The following COL28A1 variants were observed in gnomAD, a reference collection of about 807,000 sequenced individuals.
COL28A1 encodes the protein collagen type XXVIII alpha 1 chain.
In COL28A1, 161 loss-of-function variants were observed where a neutral mutation model predicts 150.2. The ratio of observed to expected loss-of-function variants is 1.07; its 90% CI spans 0.94 to 1.22. COL28A1 has a LOEUF of 1.22. COL28A1 is among the 50% of genes most tolerant of loss of function. The probability of loss-of-function intolerance (pLI) is 0.00; values close to 1 mark genes in which losing one functional copy is unlikely to be tolerated. For missense variants in COL28A1, 1,617 were observed against 1,388.3 expected (o/e 1.16, Z -2.62); for synonymous variants, 552 against 469.7 (o/e 1.18, Z -2.26).
chr7:7,452,539 G>C, intron 17 of COL28A1, 152 bp from the exon 18 acceptor site: 1 of 1,221,476 alleles, frequency 8.2e-7, no homozygotes, highest in Non-Finnish European at 1.1e-6. Context: ...GGATGGATTT[G>C]CACCAGATTT....
chr7:7,472,202 C>T (rs973083859), intron 15 of COL28A1, among the ~76,000 whole-genome samples: 7 of 152,192 alleles, frequency 4.6e-5, no homozygotes, highest in African/African-American at 1.4e-4. Context: ...AAATAAAGAA[C>T]ATCCAAATCA....
rs1781380299 is a variant in COL28A1, at chr7:7,373,899, C to T, written c.2360-353G>A. 6.6e-6 allele frequency among the ~76,000 whole-genome samples: 1 copy of T among 151,242 alleles called. No individual in the cohort carries two copies. The highest frequency in any genetic ancestry group is 1.5e-5 in the Non-Finnish European group (1 of 67,830). Reference sequence around the variant, plus strand: ...TATTTTTAGTAGAGACAGGGTTTCACCGTGTTAGCCAAGATGGTCTCGATC... The same window carrying T: ...TATTTTTAGTAGAGACAGGGTTTCATCGTGTTAGCCAAGATGGTCTCGATC... On this transcript the variant is annotated intron_variant, in intron 31 of 34. Transcript: ENST00000399429. This position sits in a 1 kb window ranked among gnomAD's most constrained non-coding sequence, Gnocchi z 4.1.
chr7:7,408,811 T>A (rs1240669855), intron 27 of COL28A1, among the ~76,000 whole-genome samples: 1 of 152,172 alleles, frequency 6.6e-6, no homozygotes, highest in Non-Finnish European at 1.5e-5. Flanking sequence ...CCTCACTTTA[T>A]ATACCTCACA....
chr7:7,480,357 C>G (rs776742056), intron 13 of COL28A1, among the ~76,000 whole-genome samples: 49 of 152,166 alleles, frequency 3.2e-4, no homozygotes, highest in Non-Finnish European at 5.3e-4. Flanking sequence ...TAACAGAAAC[C>G]TAGCTTTTAA....
intron 16 of COL28A1, 27 bp downstream of exon 16, chr7:7,456,017 A>C (rs764682869): frequency 6.2e-7 from 1 of 1,613,432 alleles, no homozygotes; most frequent in Admixed American, 1.7e-5. Context: ...TTCTGCACTG[A>C]AGGGAAAGGA....
chr7:7,451,457 C>G (rs1305703293), intron 18 of COL28A1, among the ~76,000 whole-genome samples: 2 of 152,132 alleles, frequency 1.3e-5, no homozygotes, highest in African/African-American at 4.8e-5. Context: ...ATCTCTCGAC[C>G]TTGTGATCCA....
chr7:7,498,542 G>A (rs1437188663), intron 11 of COL28A1, among the ~76,000 whole-genome samples: 1 of 152,092 alleles, frequency 6.6e-6, no homozygotes, highest in African/African-American at 2.4e-5. Flanking sequence ...TATAGATACT[G>A]GTGATGGTTA....
chr7:7,445,492 T>C (rs141983459), intron 18 of COL28A1, among the ~76,000 whole-genome samples: 9 of 152,298 alleles, frequency 5.9e-5, no homozygotes, highest in African/African-American at 2.2e-4. Context: ...AGGCACTCAG[T>C]TCCTAGTACT....
At chr7:7,529,088 G>C (rs1027877494) in intron 3 of COL28A1, among the ~76,000 whole-genome samples, 1 of 151,906 alleles carries the variant, frequency 6.6e-6, no homozygotes, top group Non-Finnish European at 1.5e-5. Flanking sequence ...GATCACCTGA[G>C]GTCAGGAGTT....
the COL28A1 span, among the ~76,000 whole-genome samples, chr7:7,340,330 T>C: frequency 6.6e-6 from 1 of 152,168 alleles, no homozygotes; most frequent in South Asian, 2.1e-4. Flanking sequence ...GTGAAGTCAA[T>C]TGTGCTAGAG....
Position 7,373,581 on chromosome 7 carries a change from GA to G in COL28A1, c.2360-36del. 1 of 1,566,110 alleles carries G rather than the reference GA, an allele frequency of 6.4e-7. No individual in the cohort carries two copies. Among genetic ancestry groups the G allele is most frequent in the Non-Finnish European group, 8.7e-7 (1 of 1,151,218 alleles). On this transcript the variant is annotated intron_variant, in intron 31 of 34. Transcript: ENST00000399429. The surrounding 1 kb of genome is among the most constrained non-coding windows in gnomAD (Gnocchi z 4.1). Reference sequence around the variant, plus strand: ...GAATGTTGAGAGAGAAAAATTGTGGGAATGATTGACATCAGATTGTTGAGGG... The same window carrying G: ...GAATGTTGAGAGAGAAAAATTGTGGGATGATTGACATCAGATTGTTGAGGG...
At chr7:7,384,768 A>G (rs914852000) in intron 27 of COL28A1, among the ~76,000 whole-genome samples, 1 of 152,206 alleles carries the variant, frequency 6.6e-6, no homozygotes, top group Admixed American at 6.5e-5. Flanking sequence ...AACCCTGGAT[A>G]GGAATTTGTA....
intron 33 of COL28A1, among the ~76,000 whole-genome samples, chr7:7,369,277 G>A (rs1781096343): frequency 6.6e-6 from 1 of 152,204 alleles, no homozygotes; most frequent in African/African-American, 2.4e-5. Flanking sequence ...ACTTTAAAAT[G>A]CACAATATAG....
At chr7:7,475,375 C>T (rs1029691833) in intron 14 of COL28A1, among the ~76,000 whole-genome samples, 1 of 152,124 alleles carries the variant, frequency 6.6e-6, no homozygotes, top group Non-Finnish European at 1.5e-5. Flanking sequence ...ATACAGAGAA[C>T]ACCCATTGGT....
chr7:7,489,635 C>A (rs1370117826), intron 12 of COL28A1, among the ~76,000 whole-genome samples, 178 bp from the exon 13 acceptor site: 1 of 152,162 alleles, frequency 6.6e-6, no homozygotes, highest in Non-Finnish European at 1.5e-5. Context: ...GAACAAATTA[C>A]CCTAAAATGT....
intron 27 of COL28A1, among the ~76,000 whole-genome samples, chr7:7,391,035 G>C (rs1439924501): frequency 2.0e-5 from 3 of 152,006 alleles, no homozygotes; most frequent in Non-Finnish European, 4.4e-5. Flanking sequence ...GAATTTGTTT[G>C]GTCTTGTTTC....
At chr7:7,503,414 A>T (rs1163117098) in intron 11 of COL28A1, among the ~76,000 whole-genome samples, 1 of 152,258 alleles carries the variant, frequency 6.6e-6, no homozygotes, top group Non-Finnish European at 1.5e-5. Context: ...CAAGTTTCAA[A>T]ATAAATAATC....
At chr7:7,521,625 T>C (rs1317865063) in intron 5 of COL28A1, among the ~76,000 whole-genome samples, 2 of 152,266 alleles carry the variant, frequency 1.3e-5, no homozygotes, top group Non-Finnish European at 2.9e-5. Context: ...TGAGAAATTC[T>C]GGCTTCAATT....
At position 7,522,099 on chromosome 7, in the gene COL28A1, TA is replaced by T. The variant is rs140589260; in HGVS notation, c.703-139del. 3,449 of 705,340 alleles carry T rather than the reference TA, an allele frequency of 4.9e-3. 76 individuals carry two copies. The African/African-American group carries it at 0.051, about 11-fold the overall frequency. The allele number at this position is 705,340 out of a possible 1,614,324, so 43.7% of individuals were successfully genotyped here. A position where few individuals can be genotyped will look rare whatever the true frequency, so the allele number is the denominator to read the frequency against. ...AGCATTTCAAATTGTATTCAGTATATAACCAACTGGAGCACTCTCAAAGAAA... is the reference window on the plus strand; with the variant it reads ...AGCATTTCAAATTGTATTCAGTATATACCAACTGGAGCACTCTCAAAGAAA... On this transcript the variant is annotated intron_variant, in intron 4 of 34. Transcript: ENST00000399429.
Sources: allele counts gnomAD v4.1 joint callset (sites outside exome capture counted in the v4.1 genomes callset), GRCh38; gene constraint gnomAD v4.1.1; non-coding constraint Gnocchi (gnomAD v3.1); transcripts MANE v1.5; gene names NCBI Gene and HGNC (gene_info 2026-07-23, HGNC 2026-07-21).